The following ADGRG7 variants were observed in gnomAD, a reference collection of about 807,000 sequenced individuals.
ADGRG7 encodes the protein adhesion G protein-coupled receptor G7, also known as G-protein coupled receptor 128.
Under a neutral mutation model 88.6 loss-of-function variants are expected in ADGRG7, and 82 were observed. The ratio of observed to expected loss-of-function variants is 0.93; its 90% CI spans 0.77 to 1.11. The LOEUF (loss-of-function observed/expected upper bound fraction) is 1.11, where lower values mean the gene tolerates loss of function less well. Ranked by LOEUF, ADGRG7 falls within the 50% of genes most tolerant of loss-of-function variation. ADGRG7 has a pLI of 0.00. For missense variants in ADGRG7, 945 were observed against 953.4 expected (o/e 0.99, Z 0.12); for synonymous variants, 381 against 345.2 (o/e 1.10, Z -1.15).
At chr3:100,640,260 T>C (rs1377266063) in intron 6 of ADGRG7, among the ~76,000 whole-genome samples, 2 of 152,254 alleles carry the variant, frequency 1.3e-5, no homozygotes, top group East Asian at 1.9e-4. Flanking sequence ...CTGGGTTCCC[T>C]GACAGACATC....
In ADGRG7 at chr3:100,653,271, C is replaced by T. The variant is rs1041884167; in HGVS notation, c.1380-1564C>T. ...TACCTAATTTAAATCTTCATGTAAGCTTCATTCTTTAAACGTAAAGTAAGC... is the reference window on the plus strand; with the variant it reads ...TACCTAATTTAAATCTTCATGTAAGTTTCATTCTTTAAACGTAAAGTAAGC... On this transcript the variant is annotated intron_variant, in intron 11 of 15. Transcript: ENST00000273352. Among the ~76,000 whole-genome samples the T allele has an allele frequency of 9.9e-5, 15 of 152,280 alleles. No homozygotes were observed. The South Asian group carries it at 1.9e-3, about 19-fold the overall frequency.
At chr3:100,682,372 G>A (rs779444642) in intron 15 of ADGRG7, among the ~76,000 whole-genome samples, 6 of 152,172 alleles carry the variant, frequency 3.9e-5, no homozygotes, top group Non-Finnish European at 7.4e-5. Context: ...AGGGGACCGG[G>A]GTGGGAAGTG....
chr3:100,611,282 TCCTTC>T (rs1707147051), intron 1 of ADGRG7, among the ~76,000 whole-genome samples: 1 of 145,178 alleles, frequency 6.9e-6, no homozygotes, highest in African/African-American at 2.5e-5. Flanking sequence ...CTTCCTTCCT[TCCTTC>T]CTTCCTTCCT....
At chr3:100,647,229 T>C (rs1707769459) in intron 10 of ADGRG7, among the ~76,000 whole-genome samples, 1 of 152,126 alleles carries the variant, frequency 6.6e-6, no homozygotes, top group Non-Finnish European at 1.5e-5. Context: ...TTTTGCTATG[T>C]GGTCTTAGGA....
At chr3:100,617,727 C>A (rs1208441799) in intron 1 of ADGRG7, among the ~76,000 whole-genome samples, 9 of 152,100 alleles carry the variant, frequency 5.9e-5, no homozygotes, top group Non-Finnish European at 7.4e-5. Context: ...TGGGTATATA[C>A]CCAGTAATGG....
At chr3:100,668,898 T>C (rs754699780) in intron 14 of ADGRG7, 51 bp from the exon 15 acceptor site, 77 of 1,364,936 alleles carry the variant, frequency 5.6e-5, no homozygotes, top group Non-Finnish European at 7.6e-5. Flanking sequence ...ATGACGTTGA[T>C]AAGTAAAACC....
intron 15 of ADGRG7, among the ~76,000 whole-genome samples, chr3:100,677,838 G>T (rs1288269763): frequency 1.3e-5 from 2 of 152,152 alleles, no homozygotes; most frequent in East Asian, 3.9e-4. Context: ...TTCTCTTGCT[G>T]CTTTTAGGAT....
At chr3:100,629,476 A>G in intron 1 of ADGRG7, 122 bp from the exon 2 acceptor site, 1 of 629,430 alleles carries the variant, frequency 1.6e-6, no homozygotes. Flanking sequence ...ATTACAAAGA[A>G]TATTTCTCAG....
At chr3:100,625,460 A>G (rs1042796738) in intron 1 of ADGRG7, among the ~76,000 whole-genome samples, 8 of 152,208 alleles carry the variant, frequency 5.3e-5, no homozygotes, top group African/African-American at 1.9e-4. Context: ...TTTTCTAAAT[A>G]TAGAATCATG....
intron 11 of ADGRG7, among the ~76,000 whole-genome samples, chr3:100,651,591 T>A (rs2094929414): frequency 6.6e-6 from 1 of 151,982 alleles, no homozygotes; most frequent in Non-Finnish European, 1.5e-5. Context: ...CACCTATAAT[T>A]CCAGCACTTT....
intron 15 of ADGRG7, among the ~76,000 whole-genome samples, chr3:100,673,747 G>A (rs541852250): frequency 3.9e-5 from 6 of 152,198 alleles, no homozygotes; most frequent in Admixed American, 1.3e-4. Flanking sequence ...GTGAGCCACC[G>A]TGCCTGGCCT....
intron 11 of ADGRG7, 88 bp from the exon 12 acceptor site, chr3:100,654,747 T>A (rs976629811): frequency 1.6e-5 from 13 of 791,478 alleles, no homozygotes; most frequent in Non-Finnish European, 2.6e-5. Context: ...GCAATAATAT[T>A]CTTTGTTCCC....
At chr3:100,638,568 C>A (rs1421951675) in intron 6 of ADGRG7, among the ~76,000 whole-genome samples, 2 of 152,154 alleles carry the variant, frequency 1.3e-5, no homozygotes. Flanking sequence ...TCAGAAAGAA[C>A]CAACCAATGG....
intron 15 of ADGRG7, among the ~76,000 whole-genome samples, chr3:100,683,995 A>C (rs1469853764): frequency 1.3e-5 from 2 of 152,082 alleles, no homozygotes; most frequent in African/African-American, 4.8e-5. Context: ...AAATTTATGG[A>C]TATGGTATTT....
intron 14 of ADGRG7, among the ~76,000 whole-genome samples, chr3:100,666,114 T>C (rs897373114): frequency 6.6e-6 from 1 of 151,260 alleles, no homozygotes; most frequent in Admixed American, 6.6e-5. Context: ...TGCAGTGGCG[T>C]GATCTCGGCC....
Position 100,643,316 on chromosome 3 carries a change from TGGTGGAACCTAACATA to T in ADGRG7, c.751_766del (p.Val251GlnfsTer30). 1.2e-6 allele frequency: 2 copies of T among 1,614,030 alleles called. No individual in the cohort carries two copies. Among genetic ancestry groups the T allele is most frequent in the Non-Finnish European group, 1.7e-6 (2 of 1,179,896 alleles). ...TCCTTGTCTTTGGGTAATCAATCAG[TGGTGGAACCTAACATA>T]GCAATACAGTCAGCAAATTTCTCTT... is the stretch of plus-strand genomic sequence containing the variant. On this transcript the variant is annotated frameshift_variant, in exon 7 of 16. Coordinates refer to ENST00000273352, the MANE Select transcript of ADGRG7 (RefSeq NM_032787.3). LOFTEE classifies it high-confidence loss of function.
Position 100,659,811 on chromosome 3 carries a change from A to G in ADGRG7, c.1947A>G (p.Lys649=). The G allele has an allele frequency of 6.2e-7, 1 of 1,613,968 alleles. No homozygotes were observed. Among genetic ancestry groups the G allele is most frequent in the South Asian group, 1.1e-5 (1 of 91,016 alleles). ...TTATGTTTATTACAATCTCGATCAA[A>G]GTGCTGTGGAAGAATAACCAGAACC... The part of the protein sequence containing the change: ...NVVMFITISI[K]VLWKNNQNLT... The change falls in exon 14 of 16, where the codon AAA becomes AAG. Residue 649 remains lysine (K), a synonymous_variant. Transcript: ENST00000273352.
chr3:100,677,017 T>C (rs939698266), intron 15 of ADGRG7, among the ~76,000 whole-genome samples: 1 of 152,084 alleles, frequency 6.6e-6, no homozygotes, highest in African/African-American at 2.4e-5. Context: ...CAACATATCA[T>C]TGGGTCTTGT....
chr3:100,670,983 G>T (rs1431727428), intron 15 of ADGRG7, among the ~76,000 whole-genome samples: 1 of 152,148 alleles, frequency 6.6e-6, no homozygotes, highest in Non-Finnish European at 1.5e-5. Context: ...CCAAGTCTTT[G>T]CTATTGTGAA....
Sources: gnomAD v4.1 joint callset for allele counts (sites outside exome capture counted in the v4.1 genomes callset) on GRCh38, gnomAD v4.1.1 for gene constraint, MANE v1.5 for transcripts, NCBI Gene and HGNC (gene_info 2026-07-23, HGNC 2026-07-21) for gene names.